Variants in CELA1 observed in about 807,000 individuals in gnomAD.
The protein encoded by CELA1 is chymotrypsin-like elastase family member 1.
CELA1 carries 28 observed loss-of-function variants against 34.8 expected under a neutral mutation model. The observed-to-expected ratio is 0.80, with a 90% CI of 0.60 to 1.10. The LOEUF (loss-of-function observed/expected upper bound fraction) is 1.10, where lower values mean the gene tolerates loss of function less well. CELA1 is among the 50% of genes least tolerant of loss of function. CELA1 has a pLI of 0.00. For missense variants in CELA1, 288 were observed against 327.5 expected, an observed-to-expected ratio of 0.88 and a Z score of 0.93; for synonymous variants, 140 against 129.8, an observed-to-expected ratio of 1.08 and a Z score of -0.53.
In CELA1 at chr12:51,346,666, C is replaced by G. The variant is rs1304732215; in HGVS notation, c.-28G>C. 3 of 1,600,226 alleles carry G rather than the reference C, an allele frequency of 1.9e-6. No individual in the cohort carries two copies. In the African/African-American group the frequency reaches 4.0e-5, roughly 21 times the overall value. ...TGCCGATGGAGTAGACCACTGCCTT[C>G]TTGCTTGGACCAAGCCCTCTTTATA... is the stretch of plus-strand genomic sequence containing the variant. On this transcript the variant is annotated 5_prime_UTR_variant, in exon 1 of 8. Coordinates refer to ENST00000293636, the MANE Select transcript of CELA1 (RefSeq NM_001971.6).
chr12:51,338,488 T>C (rs543820068), intron 6 of CELA1, among the ~76,000 whole-genome samples: 9 of 152,120 alleles, frequency 5.9e-5, no homozygotes, highest in Non-Finnish European at 1.2e-4. Flanking sequence ...CCTTTATTCA[T>C]GCCGTTCCCT....
chr12:51,345,282 T>C (rs1255604176), intron 2 of CELA1, among the ~76,000 whole-genome samples: 1 of 152,248 alleles, frequency 6.6e-6, no homozygotes, highest in Non-Finnish European at 1.5e-5. Flanking sequence ...AAAGTGTGGA[T>C]CTTCATCAGT....
At chr12:51,328,640 C>G (rs368410360) in intron 7 of CELA1, 46 bp from the exon 8 acceptor site, 2 of 1,610,440 alleles carry the variant, frequency 1.2e-6, no homozygotes, top group African/African-American at 2.7e-5. Context: ...TCCTGCCTAC[C>G]TCCTTTCTTG....
Position 51,328,455 on chromosome 12 carries a change from GT to G in CELA1, c.*121del. On this transcript the variant is annotated 3_prime_UTR_variant, in exon 8 of 8. Transcript: ENST00000293636. ...GACACAGTATGATAATGTATATCTA[GT>G]TTTATTTGCTTTTCTATCAATGGCT... 9.7e-7 allele frequency: 1 copy of G among 1,035,960 alleles called. No individual in the cohort carries two copies. Among genetic ancestry groups the G allele is most frequent in the Non-Finnish European group, 1.5e-6 (1 of 669,810 alleles). 64.2% of individuals were successfully genotyped at this position (1,035,960 alleles called of 1,614,324 possible).
chr12:51,333,847 G>T (rs1004004562), intron 6 of CELA1, among the ~76,000 whole-genome samples: 1 of 152,204 alleles, frequency 6.6e-6, no homozygotes, highest in African/African-American at 2.4e-5. Context: ...CTAGAGGAAT[G>T]ATAGATAAAT....
In CELA1 at chr12:51,340,084, C is replaced by A. The variant is rs760620826; in HGVS notation, c.464-79G>T. ...AACCTTCCACCCCTGCCACACCTTC[C>A]CAAACTCTCGTGAAAGCTGAGCTCA... On this transcript the variant is annotated intron_variant, in intron 5 of 7. Coordinates refer to ENST00000293636, the MANE Select transcript of CELA1 (RefSeq NM_001971.6). The A allele has an allele frequency of 2.2e-4, 297 of 1,348,656 alleles. 2 individuals are homozygous for A. Among genetic ancestry groups the A allele is most frequent in the Admixed American group, 6.9e-5 (3 of 43,778 alleles). The allele number at this position is 1,348,656 out of a possible 1,614,324, so 83.5% of individuals were successfully genotyped here.
chr12:51,342,811 A>ATT, intron 3 of CELA1, 111 bp from the exon 4 acceptor site: 2 of 1,274,050 alleles, frequency 1.6e-6, no homozygotes, highest in Non-Finnish European at 1.0e-6. Flanking sequence ...TTATTTAGGA[A>ATT]ATTTTTTTTT....
intron 4 of CELA1, 111 bp downstream of exon 4, chr12:51,342,464 T>G: frequency 6.7e-7 from 1 of 1,490,266 alleles, no homozygotes; most frequent in Non-Finnish European, 9.2e-7. Context: ...ACGGACCAGG[T>G]TTCAGGCCAT....
chr12:51,344,167 A>G (rs1946553349), intron 2 of CELA1, among the ~76,000 whole-genome samples: 1 of 152,196 alleles, frequency 6.6e-6, no homozygotes. Flanking sequence ...GCCAATTGCT[A>G]CTGATTGCTT....
At chr12:51,344,012 T>C (rs1183520619) in intron 2 of CELA1, among the ~76,000 whole-genome samples, 159 bp from the exon 3 acceptor site, 4 of 152,168 alleles carry the variant, frequency 2.6e-5, no homozygotes, top group African/African-American at 7.2e-5. Context: ...CTGGGCAACA[T>C]AGTGAGACCT....
Position 51,341,281 on chromosome 12 carries a change from G to A in CELA1, c.426C>T (p.Asn142=). The A allele has an allele frequency of 6.2e-7, 1 of 1,614,210 alleles. No homozygotes were observed. Among genetic ancestry groups the A allele is most frequent in the Non-Finnish European group, 8.5e-7 (1 of 1,180,042 alleles). ...LPQEGAILAN[N]SPCYITGWGK... ...CCCAGCCTGTGATGTAGCAGGGACT[G>A]TTGTTAGCCAGGATGGCTCCCTCCT... Residue 142 remains asparagine (N), a synonymous_variant, in exon 5 of 8, where the codon AAC becomes AAT. Coordinates refer to ENST00000293636, the MANE Select transcript of CELA1 (RefSeq NM_001971.6).
intron 4 of CELA1, 118 bp from the exon 5 acceptor site, chr12:51,341,498 A>C: frequency 8.9e-7 from 1 of 1,123,168 alleles, no homozygotes; most frequent in Non-Finnish European, 1.3e-6. Flanking sequence ...ACGACTTTGA[A>C]GAAGGACGGG....
intron 6 of CELA1, among the ~76,000 whole-genome samples, chr12:51,331,393 C>A (rs1946469079): frequency 6.6e-6 from 1 of 152,072 alleles, no homozygotes; most frequent in Non-Finnish European, 1.5e-5. Flanking sequence ...CGTCTCAAAA[C>A]AAACACACAA....
chr12:51,331,294 C>G (rs929710673), intron 6 of CELA1, among the ~76,000 whole-genome samples: 1 of 152,192 alleles, frequency 6.6e-6, no homozygotes, highest in Non-Finnish European at 1.5e-5. Context: ...GAGGCTGAGG[C>G]AGGAGAATCG....
chr12:51,341,365 C>G lies in CELA1; in HGVS notation c.342G>C (p.Leu114=), dbSNP rs762159784. The change falls in exon 5 of 8, where the codon CTG becomes CTC. Residue 114 remains leucine (L), a synonymous_variant. Transcript: ENST00000293636. The part of the protein sequence containing the change: ...DNVAAGYDIA[L]LRLAQSVTLN... ...GGGTAACGCTCTGGGCCAGGCGCAG[C>G]AGGGCGATGTCATAGCTGCAGGAGA... 2.1e-5 allele frequency: 34 copies of G among 1,614,166 alleles called. 1 individual carries two copies. Among genetic ancestry groups the G allele is most frequent in the Middle Eastern group, 1.6e-4 (1 of 6,062 alleles).
At chr12:51,338,307 T>C (rs76971686) in intron 6 of CELA1, among the ~76,000 whole-genome samples, 3,827 of 108,908 alleles carry the variant, frequency 0.035, 95 homozygotes, top group East Asian at 0.26. Context: ...CGCATACATA[T>C]ATATATATAT....
intron 6 of CELA1, among the ~76,000 whole-genome samples, chr12:51,336,843 C>T (rs1179843909): frequency 6.6e-6 from 1 of 152,218 alleles, no homozygotes; most frequent in Admixed American, 6.5e-5. Flanking sequence ...CGGTTCCTAT[C>T]ACCACTGCCT....
intron 6 of CELA1, among the ~76,000 whole-genome samples, chr12:51,333,410 T>G (rs1411727460): frequency 3.7e-4 from 56 of 149,878 alleles, no homozygotes; most frequent in African/African-American, 1.3e-3. Context: ...TTTTTGTTTT[T>G]TTTTTTTTAA....
chr12:51,333,389 C>T (rs1179394017), intron 6 of CELA1, among the ~76,000 whole-genome samples: 2 of 138,422 alleles, frequency 1.4e-5, no homozygotes, highest in South Asian at 4.9e-4. Flanking sequence ...CCACTGAGCC[C>T]GACTGTTTTT....
Sources: allele counts gnomAD v4.1 joint callset (sites outside exome capture counted in the v4.1 genomes callset), GRCh38; gene constraint gnomAD v4.1.1; transcripts MANE v1.5; gene names NCBI Gene and HGNC (gene_info 2026-07-23, HGNC 2026-07-21).